Variants in PIGX observed in about 807,000 individuals in gnomAD.
PIGX encodes GPI alpha-1,4-mannosyltransferase I, stabilizing subunit.
PIGX carries 24 observed loss-of-function variants against 28.7 expected under a neutral mutation model. The ratio of observed to expected loss-of-function variants is 0.84; its 90% CI spans 0.60 to 1.17. The LOEUF (loss-of-function observed/expected upper bound fraction) is 1.17. PIGX is among the 50% of genes most tolerant of loss of function. PIGX has a pLI of 0.00. For missense variants in PIGX, 305 were observed against 317.8 expected (o/e 0.96, Z 0.31); for synonymous variants, 127 against 121.0 (o/e 1.05, Z -0.33).
chr3:196,720,069 C>T lies in PIGX; in HGVS notation c.177-2346C>T, dbSNP rs543019747. On this transcript the variant is annotated intron_variant, in intron 2 of 5. Coordinates refer to ENST00000392391, the MANE Select transcript of PIGX (RefSeq NM_017861.4). ...TGGGGATTACAGGCGTGAGCCACCG[C>T]GCCCGGCCTAATTTTAACGATTTGT... is the stretch of plus-strand genomic sequence containing the variant. Among the ~76,000 whole-genome samples, 42 of 152,356 alleles carry T rather than the reference C, an allele frequency of 2.8e-4. 1 individual carries two copies. Among genetic ancestry groups the T allele is most frequent in the South Asian group, 2.5e-3 (12 of 4,830 alleles).
chr3:196,718,658 A>G (rs1269915145), intron 2 of PIGX, among the ~76,000 whole-genome samples: 3 of 152,200 alleles, frequency 2.0e-5, no homozygotes, highest in Non-Finnish European at 4.4e-5. Context: ...ATGTTCATGA[A>G]GGCTACTGGC....
intron 4 of PIGX, chr3:196,728,442 C>T: frequency 1.7e-6 from 1 of 590,750 alleles, no homozygotes; most frequent in South Asian, 2.2e-5. Context: ...CTGTTAAATA[C>T]TTCCTTATGT....
chr3:196,720,372 A>C (rs1712276107), intron 2 of PIGX, among the ~76,000 whole-genome samples: 1 of 152,218 alleles, frequency 6.6e-6, no homozygotes, highest in Admixed American at 6.5e-5. Context: ...AGGGTATGTG[A>C]GAATTTCCCT....
intron 3 of PIGX, among the ~76,000 whole-genome samples, chr3:196,723,197 C>G (rs1466644289): frequency 6.6e-6 from 1 of 152,112 alleles, no homozygotes. Context: ...AAAAATTAGC[C>G]AGGTGTGGTG....
chr3:196,718,138 A>G (rs7632017), intron 2 of PIGX, among the ~76,000 whole-genome samples: 60,800 of 151,834 alleles, frequency 0.4, 12,323 homozygotes, highest in East Asian at 0.56. Flanking sequence ...GTGAAACCCC[A>G]TCTCTACTAA....
rs1203233449 is a variant in PIGX at position 196,712,613 on chromosome 3, C to G, written c.81C>G (p.Ala27=). The stretch of plus-strand genomic sequence containing the variant: ...CGACCGGGCTCACGCGCGGGCCCGC[C>G]GCGGCCTTCACCGCCGCGCGCTCTG... The change falls in exon 1 of 6, where the codon GCC becomes GCG. Residue 27 remains alanine, a synonymous_variant. Transcript: ENST00000392391. The G allele has an allele frequency of 8.4e-7, 1 of 1,190,538 alleles. No individual in the cohort carries two copies. The highest frequency in any genetic ancestry group is 3.6e-5 in the East Asian group (1 of 27,854). The allele number at this position is 1,190,538 out of a possible 1,614,324, so 73.7% of individuals were successfully genotyped here.
chr3:196,716,976 A>G, intron 2 of PIGX, 55 bp downstream of exon 2: 3 of 1,068,510 alleles, frequency 2.8e-6, no homozygotes, highest in Non-Finnish European at 4.3e-6. Flanking sequence ...TATAATTGAG[A>G]GCAAAAAATT....
At chr3:196,728,729 G>T in intron 4 of PIGX, 2 of 766,344 alleles carry the variant, frequency 2.6e-6, no homozygotes, top group Middle Eastern at 4.5e-4. Context: ...ATCAGATTCC[G>T]GTTTGATTCC....
chr3:196,723,361 C>T (rs1276375878), intron 3 of PIGX, among the ~76,000 whole-genome samples: 2 of 151,974 alleles, frequency 1.3e-5, no homozygotes, highest in African/African-American at 2.4e-5. Flanking sequence ...GAAACTGAGG[C>T]GCAAAGAGGC....
At chr3:196,732,239 TATATATATATATATATA>T (rs1560080566) in intron 5 of PIGX, among the ~76,000 whole-genome samples, 3,453 of 65,482 alleles carry the variant, frequency 0.053, 217 homozygotes, top group East Asian at 0.14. Context: ...TATATATATA[TATATATATATATATATA>T]TTTTATTTTA....
chr3:196,732,806 T>C lies in PIGX; in HGVS notation c.634-953T>C, dbSNP rs1230597370. On this transcript the variant is annotated intron_variant, in intron 5 of 5. Transcript: ENST00000392391. ...TTCCCAAGTTACGTACATTTTAATG[T>C]TTTTTAAAACTTATTTTTAAAGTAT... 2.0e-5 allele frequency among the ~76,000 whole-genome samples: 3 copies of C among 152,186 alleles called. No homozygotes were observed. The East Asian group carries it at 5.8e-4, about 29-fold the overall frequency.
chr3:196,722,892 G>A (rs1257400995), intron 3 of PIGX, among the ~76,000 whole-genome samples: 7 of 152,164 alleles, frequency 4.6e-5, no homozygotes, highest in Admixed American at 4.6e-4. Flanking sequence ...CAACATCTGG[G>A]TAAGTTTGAT....
At chr3:196,729,412 A>ATTT (rs879905465) in intron 4 of PIGX, among the ~76,000 whole-genome samples, 2,122 of 140,834 alleles carry the variant, frequency 0.015, 46 homozygotes, top group African/African-American at 0.054. Context: ...TTTCTTTCTT[A>ATTT]TTTTTTTTTT....
chr3:196,727,708 C>T (rs2108685581), intron 3 of PIGX, among the ~76,000 whole-genome samples: 1 of 152,068 alleles, frequency 6.6e-6, no homozygotes, highest in South Asian at 2.1e-4. Context: ...AATATAATTT[C>T]CCCAGTTTTT....
At chr3:196,718,575 G>A (rs114421619) in intron 2 of PIGX, among the ~76,000 whole-genome samples, 4,438 of 152,038 alleles carry the variant, frequency 0.029, 87 homozygotes, top group Non-Finnish European at 0.045. Context: ...GTACTCCTTG[G>A]TCATGCGATA....
At chr3:196,732,235 TATATATATATA>T (rs1712803875) in intron 5 of PIGX, among the ~76,000 whole-genome samples, 1 of 65,228 alleles carries the variant, frequency 1.5e-5, no homozygotes, top group Non-Finnish European at 2.8e-5. Flanking sequence ...TATATATATA[TATATATATATA>T]TATATATATA....
intron 2 of PIGX, among the ~76,000 whole-genome samples, chr3:196,719,842 G>T (rs1712243593): frequency 6.6e-6 from 1 of 151,732 alleles, no homozygotes; most frequent in Admixed American, 6.6e-5. Flanking sequence ...CCAGGCTGGA[G>T]TGCATGGCGC....
chr3:196,727,968 T>C lies in PIGX; in HGVS notation c.364T>C (p.Leu122=). Residue 122 remains leucine, a synonymous_variant, in exon 4 of 6, where the codon TTG becomes CTG. Coordinates refer to ENST00000392391, the MANE Select transcript of PIGX (RefSeq NM_017861.4). ...TTTTGATATAGAGGCCCCTAACTAT[T>C]TGTCCAAGGAGTCTGAAGTTCTCAT... 1 of 1,613,966 alleles carries C rather than the reference T, an allele frequency of 6.2e-7. No homozygotes were observed. The highest frequency in any genetic ancestry group is 2.2e-5 in the East Asian group (1 of 44,892).
intron 2 of PIGX, among the ~76,000 whole-genome samples, chr3:196,721,737 A>G (rs578212252): frequency 4.0e-5 from 6 of 150,654 alleles, no homozygotes; most frequent in African/African-American, 1.5e-4. Flanking sequence ...ATGAGCCACC[A>G]TCCCCGGCCT....
Sources: gnomAD v4.1 joint callset for allele counts (sites outside exome capture counted in the v4.1 genomes callset) on GRCh38, gnomAD v4.1.1 for gene constraint, MANE v1.5 for transcripts, NCBI Gene and HGNC (gene_info 2026-07-23, HGNC 2026-07-21) for gene names.